Variants in WAPL observed in about 807,000 individuals in gnomAD.
WAPL encodes the protein wings apart-like protein homolog.
Under a neutral mutation model 121.0 loss-of-function variants are expected in WAPL, and 5 were observed. The observed-to-expected ratio is 0.04, with a 90% CI of 0.02 to 0.09. The LOEUF (loss-of-function observed/expected upper bound fraction) is 0.09. WAPL is among the 10% of genes least tolerant of loss of function. The probability of loss-of-function intolerance (pLI) is 1.00; values close to 1 mark genes in which losing one functional copy is unlikely to be tolerated. For synonymous variants in WAPL, 480 were observed against 481.5 expected (o/e 1.00, Z 0.04); for missense variants, 999 against 1,410.8 (o/e 0.71, Z 4.68).
Position 86,446,420 on chromosome 10 carries a change from C to G in WAPL, c.3144G>C (p.Gln1048His). ...ACTCATCTGTTTTACTTTCTGCTAG[C>G]TGGGCTGCCCGCTCTCGCTCAAGGA... ...QLFLERERAAQLAESKTDELI... is the reference protein window; with the variant it reads ...QLFLERERAAHLAESKTDELI... The change falls in exon 16 of 19, where the codon CAG (glutamine) becomes CAC (histidine). Residue 1048 changes from glutamine (Q) to histidine (H), a missense_variant. By Grantham distance (24) the Gln-to-His change is conservative. This residue lies in a region of WAPL where 126 missense variants were observed against 144.0 expected (regional missense o/e 0.87). Coordinates refer to ENST00000298767, the MANE Select transcript of WAPL (RefSeq NM_015045.5). 2 of 1,614,118 alleles carry G rather than the reference C, an allele frequency of 1.2e-6. No individual in the cohort carries two copies. The highest frequency in any genetic ancestry group is 1.3e-5 in the African/African-American group (1 of 75,042).
chr10:86,495,340 G>A (rs1426096914), intron 4 of WAPL, among the ~76,000 whole-genome samples: 1 of 151,912 alleles, frequency 6.6e-6, no homozygotes, highest in Non-Finnish European at 1.5e-5. Flanking sequence ...CATAATGCAC[G>A]CCTGTAGTCC....
intron 12 of WAPL, among the ~76,000 whole-genome samples, chr10:86,454,929 C>A (rs1326868792): frequency 2.0e-5 from 3 of 150,914 alleles, no homozygotes; most frequent in African/African-American, 7.3e-5. Flanking sequence ...CCGGCCACCC[C>A]GTCTGAGAAG....
chr10:86,472,726 A>T lies in WAPL; in HGVS notation c.1779T>A (p.Asp593Glu), dbSNP rs1318712835. The T allele has an allele frequency of 1.2e-5, 20 of 1,613,650 alleles. No homozygotes were observed. The highest frequency in any genetic ancestry group is 1.7e-5 in the Non-Finnish European group (20 of 1,179,774). ...LSSKEPNQKD[D>E]GVFKAPAPPS... ...GTGGTGCAGGAGCCTTAAAAACTCCATCATCTTTTTGATTTGGTTCCTTTG... is the reference window on the plus strand; with the variant it reads ...GTGGTGCAGGAGCCTTAAAAACTCCTTCATCTTTTTGATTTGGTTCCTTTG... The change falls in exon 6 of 19, where the codon GAT (aspartate) becomes GAA (glutamate). Residue 593 changes from aspartate (D) to glutamate (E), a missense_variant. Around this residue, in one of 7 missense-constraint regions of WAPL, gnomAD observed 74 missense variants for 115.1 expected, o/e 0.64. Transcript: ENST00000298767. The surrounding 1 kb of genome is among the most constrained non-coding windows in gnomAD (Gnocchi z 4.2).
rs570739244 is a variant in WAPL at position 86,509,259 on chromosome 10, C to G, written c.499+8312G>C. Among the ~76,000 whole-genome samples, 13 of 152,250 alleles carry G rather than the reference C, an allele frequency of 8.5e-5. No homozygotes were observed. In the South Asian group the frequency reaches 2.7e-3, roughly 32 times the overall value. On this transcript the variant is annotated intron_variant, in intron 2 of 18. Coordinates refer to ENST00000298767, the MANE Select transcript of WAPL (RefSeq NM_015045.5). ...CAAACCCAATGTACCCAAAACTGAA[C>G]TCAAACTTTCTGTCAAAATGTTCCC...
chr10:86,511,832 G>A (rs1001457271), intron 2 of WAPL, among the ~76,000 whole-genome samples: 6 of 152,118 alleles, frequency 3.9e-5, no homozygotes, highest in African/African-American at 1.4e-4. Context: ...TGGGGAGGCC[G>A]AGGAGGGAAG....
intron 4 of WAPL, among the ~76,000 whole-genome samples, chr10:86,490,828 C>T (rs7922172): frequency 6.9e-4 from 105 of 151,990 alleles, no homozygotes; most frequent in African/African-American, 2.5e-3. Context: ...TTTGGGAGGC[C>T]GAGGCAGGTG....
chr10:86,492,092 C>T (rs889588947), intron 4 of WAPL, among the ~76,000 whole-genome samples: 1 of 152,166 alleles, frequency 6.6e-6, no homozygotes, highest in Non-Finnish European at 1.5e-5. Flanking sequence ...TAATTTGACA[C>T]GTTAAGTGAG....
intron 4 of WAPL, among the ~76,000 whole-genome samples, chr10:86,490,489 CA>C (rs1202527318): frequency 6.6e-6 from 1 of 152,054 alleles, no homozygotes; most frequent in African/African-American, 2.4e-5. Context: ...ATTACTCCAA[CA>C]TTAAGTTCAT....
chr10:86,471,708 G>A (rs1456695525), intron 7 of WAPL, among the ~76,000 whole-genome samples: 1 of 152,024 alleles, frequency 6.6e-6, no homozygotes, highest in Non-Finnish European at 1.5e-5. Context: ...CATCCAGGCT[G>A]GAGTGCAGCA....
At chr10:86,510,127 T>G (rs1213150732) in intron 2 of WAPL, among the ~76,000 whole-genome samples, 1 of 130,730 alleles carries the variant, frequency 7.6e-6, no homozygotes, top group Non-Finnish European at 1.5e-5. Flanking sequence ...CAGGCTGGAG[T>G]GCAGTGGCAT....
intron 2 of WAPL, among the ~76,000 whole-genome samples, chr10:86,503,927 T>C (rs191439507): frequency 3.4e-4 from 52 of 152,278 alleles, no homozygotes; most frequent in Admixed American, 9.8e-4. Flanking sequence ...GCCGGCTCTT[T>C]GGGAGGCCGA....
At chr10:86,459,979 T>C (rs549793663) in intron 11 of WAPL, among the ~76,000 whole-genome samples, 1 of 152,290 alleles carries the variant, frequency 6.6e-6, no homozygotes, top group South Asian at 2.1e-4. Context: ...AAGGGCATGA[T>C]GGCACATGCC....
At chr10:86,449,721 T>C (rs546177224) in intron 15 of WAPL, among the ~76,000 whole-genome samples, 3 of 152,280 alleles carry the variant, frequency 2.0e-5, no homozygotes, top group Admixed American at 6.5e-5. Flanking sequence ...TGACGGTAAG[T>C]TTTTATTCAT....
At chr10:86,453,069 A>G (rs1417418371) in intron 14 of WAPL, 151 bp downstream of exon 14, 8 of 166,040 alleles carry the variant, frequency 4.8e-5, no homozygotes, top group South Asian at 3.7e-4. Context: ...AAAAAAAAAA[A>G]AAGAAACACA....
At chr10:86,493,349 T>A (rs1842086107) in intron 4 of WAPL, among the ~76,000 whole-genome samples, 1 of 151,802 alleles carries the variant, frequency 6.6e-6, no homozygotes, top group Non-Finnish European at 1.5e-5. Context: ...AACTTTCAAA[T>A]AAGACTGTAC....
intron 4 of WAPL, among the ~76,000 whole-genome samples, chr10:86,486,886 G>A (rs186583102): frequency 1.6e-4 from 25 of 152,222 alleles, no homozygotes; most frequent in African/African-American, 5.5e-4. Context: ...AGCCCAGGAA[G>A]TCGAGGCTGC....
At chr10:86,446,583 A>C in intron 15 of WAPL, 134 bp from the exon 16 acceptor site, 1 of 1,035,184 alleles carries the variant, frequency 9.7e-7, no homozygotes, top group South Asian at 1.7e-5. Context: ...AGAGGTGAGT[A>C]TAAGTAAAAG....
At chr10:86,491,984 G>A (rs531841042) in intron 4 of WAPL, among the ~76,000 whole-genome samples, 130 of 152,132 alleles carry the variant, frequency 8.5e-4, no homozygotes, top group Non-Finnish European at 1.6e-3. Flanking sequence ...CTATGTAACT[G>A]CAAGTATGTA....
At chr10:86,458,910 A>G in intron 12 of WAPL, 79 bp downstream of exon 12, 3 of 1,211,504 alleles carry the variant, frequency 2.5e-6, no homozygotes, top group Non-Finnish European at 2.3e-6. Flanking sequence ...GCTAATCCAA[A>G]TTTCTTTCAT....
Sources: gnomAD v4.1 joint callset for allele counts (sites outside exome capture counted in the v4.1 genomes callset) on GRCh38, gnomAD v4.1.1 for gene constraint, gnomAD v4.1.1 regional missense constraint, Gnocchi (gnomAD v3.1) non-coding constraint, MANE v1.5 for transcripts, NCBI Gene and HGNC (gene_info 2026-07-23, HGNC 2026-07-21) for gene names.